Variants in ZNF550 observed in about 807,000 individuals in gnomAD.
ZNF550 encodes the protein zinc finger protein 550.
A neutral mutation model predicts 40.2 loss-of-function variants in ZNF550; 42 were observed. The observed-to-expected ratio is 1.05, with a 90% confidence interval of 0.82 to 1.35. The LOEUF (loss-of-function observed/expected upper bound fraction) is 1.35, where lower values mean the gene tolerates loss of function less well. Among genes scored for constraint, ZNF550 ranks in the 40% most tolerant of loss-of-function variants. The probability of loss-of-function intolerance (pLI) is 0.00; values close to 1 mark genes in which losing one functional copy is unlikely to be tolerated. For missense variants in ZNF550, 549 were observed against 525.2 expected, an observed-to-expected ratio of 1.05 and a Z score of -0.44; for synonymous variants, 223 against 198.6, an observed-to-expected ratio of 1.12 and a Z score of -1.03.
intron 3 of ZNF550, among the ~76,000 whole-genome samples, chr19:57,550,797 G>A (rs2123353111): frequency 6.6e-6 from 1 of 152,150 alleles, no homozygotes; most frequent in Non-Finnish European, 1.5e-5. Flanking sequence ...ATTTTTTTTA[G>A]TTTGAGAAAT....
exon 1 of ZNF550, chr19:57,559,714 C>A (rs2090154329): frequency 6.8e-7 from 1 of 1,461,990 alleles, no homozygotes; most frequent in African/African-American, 1.4e-5. Context: ...CCGCGTGGGG[C>A]AGCTCCCACG....
chr19:57,555,986 A>G (rs988513769), intron 2 of ZNF550: 6 of 463,692 alleles, frequency 1.3e-5, no homozygotes, highest in Admixed American at 3.4e-5. Flanking sequence ...AGGATGGCCA[A>G]TCAGCTTCCT....
exon 4 of ZNF550, chr19:57,547,753 G>T: frequency 1.2e-6 from 2 of 1,614,110 alleles, no homozygotes; most frequent in Admixed American, 1.7e-5. Flanking sequence ...ACCATCATCT[G>T]TCCCCAAACC....
chr19:57,560,803 A>G (rs1350617218), upstream of ZNF550, among the ~76,000 whole-genome samples: 1 of 152,166 alleles, frequency 6.6e-6, no homozygotes, highest in South Asian at 2.1e-4. Flanking sequence ...GAAATGGGTC[A>G]AATCTAGCGT....
intron 4 of ZNF550, chr19:57,543,325 T>C (rs142539496): frequency 4.2e-4 from 169 of 399,512 alleles, no homozygotes; most frequent in Non-Finnish European, 5.5e-4. Flanking sequence ...CATTCCCCTC[T>C]ACCCCATCCC....
exon 2 of ZNF550, chr19:57,556,261 G>A (rs749820199): frequency 3.7e-6 from 6 of 1,614,032 alleles, no homozygotes; most frequent in Non-Finnish European, 5.1e-6. Flanking sequence ...CAGGTCTCCA[G>A]CATCACCTCT....
intron 1 of ZNF550, among the ~76,000 whole-genome samples, chr19:57,559,148 A>G (rs184203694): frequency 6.6e-6 from 1 of 152,350 alleles, no homozygotes; most frequent in Admixed American, 6.5e-5. Flanking sequence ...CAAACCTAGC[A>G]CAGGCCCAGG....
intron 1 of ZNF550, among the ~76,000 whole-genome samples, chr19:57,559,303 A>G (rs1024719680): frequency 6.6e-6 from 1 of 152,214 alleles, no homozygotes; most frequent in Non-Finnish European, 1.5e-5. Flanking sequence ...TTGCGCGCGC[A>G]AAAATGAAGG....
chr19:57,548,059 C>A, intron 3 of ZNF550, 66 bp from the exon 4 acceptor site: 2 of 1,402,196 alleles, frequency 1.4e-6, no homozygotes, highest in Non-Finnish European at 2.0e-6. Context: ...CACAAAATAA[C>A]CACTTCAGTA....
At chr19:57,544,673 C>T in intron 4 of ZNF550, 5 of 885,048 alleles carry the variant, frequency 5.6e-6, no homozygotes, top group Non-Finnish European at 6.8e-6. Context: ...TACATGCCCA[C>T]TATGAAAACA....
chr19:57,557,554 GT>G (rs1052034539), intron 1 of ZNF550: 4 of 152,178 alleles, frequency 2.6e-5, no homozygotes, highest in Non-Finnish European at 5.9e-5. Context: ...ACTGGTGCTG[GT>G]GTGGGTCCTC....
chr19:57,552,149 T>A (rs2090077727), intron 3 of ZNF550, among the ~76,000 whole-genome samples: 2 of 152,246 alleles, frequency 1.3e-5, no homozygotes, highest in African/African-American at 4.8e-5. Flanking sequence ...CTACATCCTC[T>A]AACAACTCAA....
exon 4 of ZNF550, chr19:57,547,821 T>C (rs774869309): frequency 1.9e-6 from 3 of 1,614,056 alleles, no homozygotes; most frequent in East Asian, 2.2e-5. Flanking sequence ...CTGTCTCCGG[T>C]GTCACTTTAC....
chr19:57,546,793 A>G, exon 4 of ZNF550: 3 of 1,385,652 alleles, frequency 2.2e-6, no homozygotes, highest in Non-Finnish European at 2.8e-6. Context: ...CTGTATTCAC[A>G]GGGCTTCTCT....
chr19:57,554,745 G>A lies in ZNF550; in HGVS notation c.154+1486C>T, dbSNP rs949986932. 5 of 152,322 alleles carry A rather than the reference G, an allele frequency of 3.3e-5. No individual in the cohort carries two copies. The South Asian group carries it at 6.2e-4, about 19-fold the overall frequency. The allele number at this position is 152,322 out of a possible 1,614,324, so 9.4% of individuals were successfully genotyped here. A position where few individuals can be genotyped will look rare whatever the true frequency, so the allele number is the denominator to read the frequency against. ...ATGCCTGGCTTTGAGTTCTGGGACA[G>A]GGCTGTGGGAAAGGTGAATCAGATG... On this transcript the variant is annotated intron_variant, in intron 2 of 4. Transcript: ENST00000457177. This position sits in a 1 kb window ranked among gnomAD's most constrained non-coding sequence, Gnocchi z 4.5.
intron 2 of ZNF550, chr19:57,555,144 T>C (rs932732690): frequency 6.6e-6 from 1 of 152,216 alleles, no homozygotes; most frequent in Non-Finnish European, 1.5e-5. Flanking sequence ...CTCTGGTAAG[T>C]GAGAAAGTCA....
intron 3 of ZNF550, among the ~76,000 whole-genome samples, chr19:57,550,013 G>T (rs1301566824): frequency 6.6e-6 from 1 of 152,146 alleles, no homozygotes; most frequent in Non-Finnish European, 1.5e-5. Context: ...CACAGTTCTT[G>T]ATGCAGCGCA....
chr19:57,551,294 C>G (rs1029217157), intron 3 of ZNF550, among the ~76,000 whole-genome samples: 1 of 152,098 alleles, frequency 6.6e-6, no homozygotes, highest in Non-Finnish European at 1.5e-5. Context: ...TGGTGAAAAT[C>G]TGAAACACAT....
At chr19:57,552,317 A>G (rs2090079315) in intron 3 of ZNF550, 2 of 427,132 alleles carry the variant, frequency 4.7e-6, no homozygotes, top group Non-Finnish European at 8.3e-6. Context: ...TGTCAAGACT[A>G]TGTGGTTGTC....
Sources: gnomAD v4.1 joint callset for allele counts (sites outside exome capture counted in the v4.1 genomes callset) on GRCh38, gnomAD v4.1.1 for gene constraint, Gnocchi (gnomAD v3.1) non-coding constraint, MANE v1.5 for transcripts, NCBI Gene and HGNC (gene_info 2026-07-23, HGNC 2026-07-21) for gene names.